ZNF215: variants seen among roughly 807,000 people sequenced by gnomAD.
ZNF215 encodes the protein zinc finger protein 215.
A neutral mutation model predicts 27.2 loss-of-function variants in ZNF215; 24 were observed. The observed-to-expected ratio is 0.88, with a 90% CI of 0.64 to 1.24. The LOEUF (loss-of-function observed/expected upper bound fraction) is 1.24. Ranked by LOEUF, ZNF215 falls within the 50% of genes most tolerant of loss-of-function variation. ZNF215 has a pLI of 0.00. For missense variants in ZNF215, 675 were observed against 605.7 expected, an observed-to-expected ratio of 1.11 and a Z score of -1.20; for synonymous variants, 210 against 204.0, an observed-to-expected ratio of 1.03 and a Z score of -0.25.
At chr11:6,937,486 CTTTTTTTTT>C (rs57676890) in intron 3 of ZNF215, among the ~76,000 whole-genome samples, 3 of 118,918 alleles carry the variant, frequency 2.5e-5, no homozygotes, top group Non-Finnish European at 3.4e-5. Context: ...ATCTCAGCTG[CTTTTTTTTT>C]TTTTTTTTTT....
chr11:6,928,580 G>A (rs747910472), intron 2 of ZNF215, among the ~76,000 whole-genome samples: 5 of 151,884 alleles, frequency 3.3e-5, no homozygotes, highest in African/African-American at 7.3e-5. Context: ...TGGAGTTCTC[G>A]TTTCGGATGT....
downstream of ZNF215, among the ~76,000 whole-genome samples, chr11:6,993,397 A>AT (rs1456658189): frequency 6.6e-6 from 1 of 152,108 alleles, no homozygotes; most frequent in African/African-American, 2.4e-5. Flanking sequence ...CTTTGAGCTG[A>AT]TTCTTTTTGT....
chr11:6,963,015 A>G (rs1383108411), downstream of ZNF215, among the ~76,000 whole-genome samples: 1 of 152,098 alleles, frequency 6.6e-6, no homozygotes, highest in Non-Finnish European at 1.5e-5. Flanking sequence ...TTCAGAAACT[A>G]TCAATTCTCA....
chr11:6,971,062 C>G (rs966687178), intron 5 of ZNF215, among the ~76,000 whole-genome samples: 8 of 151,936 alleles, frequency 5.3e-5, no homozygotes, highest in Non-Finnish European at 7.4e-5. Flanking sequence ...GGAGGAAATA[C>G]CCCTTCAGCC....
intron 3 of ZNF215, among the ~76,000 whole-genome samples, chr11:6,935,017 T>C (rs1191883370): frequency 6.6e-6 from 1 of 152,226 alleles, no homozygotes; most frequent in Admixed American, 6.5e-5. Context: ...AACCTGCTCA[T>C]AGGGCTTGCC....
chr11:6,942,949 AACATTGTCCTCAG>A (rs1214134509), intron 4 of ZNF215, 121 bp from the exon 5 acceptor site: 9 of 1,345,700 alleles, frequency 6.7e-6, no homozygotes, highest in Admixed American at 2.4e-5. Context: ...TAGAACCTCA[AACATTGTCCTCAG>A]ACATTGTCCT....
In ZNF215 at chr11:6,956,441, A is replaced by G. The variant is rs200851502; in HGVS notation, c.1464A>G (p.Lys488=). The change falls in exon 7 of 7, where the codon AAA becomes AAG. Residue 488 remains lysine (K), a synonymous_variant. Transcript: ENST00000278319. ...IRHQMIHTGE[K]PFKCKECSKA... ...ACCAAATGATTCACACGGGAGAGAA[A>G]CCATTCAAATGTAAGGAATGTAGTA... The G allele has an allele frequency of 1.2e-6, 2 of 1,614,070 alleles. No homozygotes were observed. Among genetic ancestry groups the G allele is most frequent in the Non-Finnish European group, 1.7e-6 (2 of 1,180,030 alleles).
At chr11:6,949,211 G>C (rs1014417831) in intron 6 of ZNF215, among the ~76,000 whole-genome samples, 1 of 151,970 alleles carries the variant, frequency 6.6e-6, no homozygotes, top group African/African-American at 2.4e-5. Context: ...ATAAACATAC[G>C]TGTGCATGTG....
downstream of ZNF215, among the ~76,000 whole-genome samples, chr11:6,991,612 T>C (rs932292368): frequency 7.9e-5 from 12 of 152,226 alleles, no homozygotes; most frequent in African/African-American, 2.9e-4. Context: ...TGTCAGTATC[T>C]CATCTCAGTT....
chr11:6,970,143 C>G (rs1341174507), intron 5 of ZNF215, among the ~76,000 whole-genome samples: 1 of 152,082 alleles, frequency 6.6e-6, no homozygotes, highest in African/African-American at 2.4e-5. Flanking sequence ...AACAATTAAA[C>G]CTCAATCTAT....
intron 5 of ZNF215, among the ~76,000 whole-genome samples, chr11:6,963,487 T>C (rs1043580484): frequency 2.6e-5 from 4 of 152,262 alleles, no homozygotes; most frequent in Admixed American, 1.3e-4. Context: ...ATATGTGTTA[T>C]TCATTTTAAA....
intron 6 of ZNF215, among the ~76,000 whole-genome samples, chr11:6,953,298 A>C (rs1449829173): frequency 6.6e-6 from 1 of 152,112 alleles, no homozygotes; most frequent in African/African-American, 2.4e-5. Flanking sequence ...CTAGATTGGG[A>C]AAGTTCTCCT....
chr11:6,993,931 T>C (rs938900366), intron 6 of ZNF215, among the ~76,000 whole-genome samples: 35 of 152,192 alleles, frequency 2.3e-4, no homozygotes, highest in African/African-American at 8.4e-4. Context: ...TTGTTTTAGC[T>C]CTTCTACCAT....
rs919750934 is a variant in ZNF215 at position 6,944,281 on chromosome 11, T to G, written c.712+640T>G. 7.2e-5 allele frequency among the ~76,000 whole-genome samples: 11 copies of G among 152,166 alleles called. No individual in the cohort carries two copies. In the East Asian group the frequency reaches 1.9e-3, roughly 27 times the overall value. On this transcript the variant is annotated intron_variant, in intron 6 of 6. Coordinates refer to ENST00000278319, the MANE Select transcript of ZNF215 (RefSeq NM_013250.4). ...ACAGAGAACAGTGCATGGTACATGGTAAGTGCTACATCAATGAAAATTACC... is the reference window on the plus strand; with the variant it reads ...ACAGAGAACAGTGCATGGTACATGGGAAGTGCTACATCAATGAAAATTACC...
rs1032100412 is a variant in ZNF215 at position 6,950,024 on chromosome 11, T to C, written c.713-5666T>C. 3.3e-3 allele frequency among the ~76,000 whole-genome samples: 495 copies of C among 151,962 alleles called. 3 individuals carry two copies. The highest frequency in any genetic ancestry group is 0.011 in the African/African-American group (458 of 41,462). On this transcript the variant is annotated intron_variant, in intron 6 of 6. Transcript: ENST00000278319. ...CCATTGCTTGTTTTTGTCAGGTTTGTCAAAGATCAGATAGTTGTAGATATG... is the reference window on the plus strand; with the variant it reads ...CCATTGCTTGTTTTTGTCAGGTTTGCCAAAGATCAGATAGTTGTAGATATG...
At chr11:6,928,281 T>TA (rs1849130049) in intron 2 of ZNF215, among the ~76,000 whole-genome samples, 1 of 152,196 alleles carries the variant, frequency 6.6e-6, no homozygotes, top group Non-Finnish European at 1.5e-5. Flanking sequence ...ATTATTTATA[T>TA]CCACTATACT....
chr11:6,932,130 G>C lies in ZNF215; in HGVS notation c.-143G>C, dbSNP rs998712522. ...CCTGAATATTGGCTTTGTGTCTAAAGTTTCTGGAACTTTCCTCCTTACCGT... is the reference window on the plus strand; with the variant it reads ...CCTGAATATTGGCTTTGTGTCTAAACTTTCTGGAACTTTCCTCCTTACCGT... On this transcript the variant is annotated 5_prime_UTR_variant, in exon 3 of 7. Coordinates refer to ENST00000278319, the MANE Select transcript of ZNF215 (RefSeq NM_013250.4). The C allele has an allele frequency of 3.8e-6, 4 of 1,055,404 alleles. No individual in the cohort carries two copies. Among genetic ancestry groups the C allele is most frequent in the African/African-American group, 1.6e-5 (1 of 62,904 alleles). The allele number at this position is 1,055,404 out of a possible 1,614,324, so 65.4% of individuals were successfully genotyped here.
chr11:6,969,192 T>C (rs1850677113), intron 5 of ZNF215, among the ~76,000 whole-genome samples: 1 of 152,192 alleles, frequency 6.6e-6, no homozygotes, highest in African/African-American at 2.4e-5. Context: ...AGCCCTCATA[T>C]TGACAATTAG....
At chr11:6,975,278 T>C (rs528403037) in intron 5 of ZNF215, among the ~76,000 whole-genome samples, 8 of 152,008 alleles carry the variant, frequency 5.3e-5, no homozygotes, top group Admixed American at 1.3e-4. Flanking sequence ...ATAGTAGGTG[T>C]ATATATTTAT....
Sources: allele counts gnomAD v4.1 joint callset (sites outside exome capture counted in the v4.1 genomes callset), GRCh38; gene constraint gnomAD v4.1.1; transcripts MANE v1.5; gene names NCBI Gene and HGNC (gene_info 2026-07-23, HGNC 2026-07-21).